RNF180: variants seen among roughly 807,000 people sequenced by gnomAD.
RNF180 encodes the protein ring finger protein 180, also known as E3 ubiquitin-protein ligase RNF180.
RNF180 carries 38 observed loss-of-function variants against 59.2 expected under a neutral mutation model. That is an observed-to-expected ratio of 0.64 (90% confidence interval 0.50 to 0.84). RNF180 has a LOEUF of 0.84. Among genes scored for constraint, RNF180 ranks in the 40% least tolerant of loss-of-function variants. RNF180 has a pLI of 0.00. For missense variants in RNF180, 705 were observed against 700.9 expected, an observed-to-expected ratio of 1.01 and a Z score of -0.07; for synonymous variants, 262 against 240.3, an observed-to-expected ratio of 1.09 and a Z score of -0.84.
At chr5:64,225,807 G>A (rs1395486257) in intron 5 of RNF180, among the ~76,000 whole-genome samples, 2 of 146,898 alleles carry the variant, frequency 1.4e-5, no homozygotes, top group Non-Finnish European at 3.0e-5. Flanking sequence ...GGGAGGTGAG[G>A]AGTGCCTCTG....
chr5:64,195,671 C>T (rs576822134), intron 1 of RNF180, among the ~76,000 whole-genome samples: 1 of 152,322 alleles, frequency 6.6e-6, no homozygotes, highest in South Asian at 2.1e-4. Context: ...AAGACCAAAA[C>T]ACTTCTAATA....
At chr5:64,170,619 A>C (rs1237319431) in intron 1 of RNF180, among the ~76,000 whole-genome samples, 1 of 152,218 alleles carries the variant, frequency 6.6e-6, no homozygotes, top group Non-Finnish European at 1.5e-5. Flanking sequence ...TAAGAATCTT[A>C]TTATGATGGA....
intron 7 of RNF180, among the ~76,000 whole-genome samples, chr5:64,366,870 T>C (rs1018259245): frequency 6.6e-6 from 1 of 151,486 alleles, no homozygotes; most frequent in Admixed American, 6.6e-5. Context: ...CATATCAAGA[T>C]ACAGGAAGCT....
rs371619649 is a variant in RNF180, at chr5:64,200,797, T to A, written c.1-11T>A. 2 of 1,608,932 alleles carry A rather than the reference T, an allele frequency of 1.2e-6. No homozygotes were observed. Among genetic ancestry groups the A allele is most frequent in the African/African-American group, 2.7e-5 (2 of 74,730 alleles). Reference sequence around the variant, plus strand: ...GTTTAACATTCTAAAAATGCACTAATGTTTCCGCAGATGAAAAGAAGCAAA... The same window carrying A: ...GTTTAACATTCTAAAAATGCACTAAAGTTTCCGCAGATGAAAAGAAGCAAA... On this transcript the variant is annotated splice_polypyrimidine_tract_variant and intron_variant, in intron 1 of 7. Coordinates refer to ENST00000389100, the MANE Select transcript of RNF180 (RefSeq NM_001113561.2).
At chr5:64,215,141 G>A (rs1345899966) in intron 4 of RNF180, among the ~76,000 whole-genome samples, 1 of 152,144 alleles carries the variant, frequency 6.6e-6, no homozygotes, top group Non-Finnish European at 1.5e-5. Context: ...AGAGTAGGAT[G>A]TGCGAAGGAA....
chr5:64,188,741 T>G (rs1750991753), intron 1 of RNF180, among the ~76,000 whole-genome samples: 1 of 152,196 alleles, frequency 6.6e-6, no homozygotes, highest in South Asian at 2.1e-4. Context: ...GACTTTATTC[T>G]ATGCAGGAAG....
intron 5 of RNF180, among the ~76,000 whole-genome samples, chr5:64,227,166 G>A (rs1343616541): frequency 1.3e-5 from 2 of 152,186 alleles, no homozygotes; most frequent in Non-Finnish European, 1.5e-5. Context: ...CGTCAGCATC[G>A]GGACTTGCAG....
chr5:64,341,098 T>C (rs150443051), intron 7 of RNF180, among the ~76,000 whole-genome samples: 16 of 152,324 alleles, frequency 1.1e-4, no homozygotes, highest in African/African-American at 3.8e-4. Context: ...TTAAAACACT[T>C]GCATTTATAA....
intron 1 of RNF180, among the ~76,000 whole-genome samples, chr5:64,171,419 G>A (rs1749928850): frequency 6.6e-6 from 1 of 152,118 alleles, no homozygotes; most frequent in South Asian, 2.1e-4. Context: ...GACATGGGAA[G>A]GCCTGAGCCC....
At chr5:64,180,831 C>G (rs960972793) in intron 1 of RNF180, among the ~76,000 whole-genome samples, 1 of 152,190 alleles carries the variant, frequency 6.6e-6, no homozygotes, top group Non-Finnish European at 1.5e-5. Context: ...GAATTTCTTT[C>G]ATTTCCTGTG....
chr5:64,294,113 G>T (rs1467324555), intron 5 of RNF180, among the ~76,000 whole-genome samples: 1 of 152,090 alleles, frequency 6.6e-6, no homozygotes, highest in Non-Finnish European at 1.5e-5. Context: ...CTACCGTTTT[G>T]GTTTAGGGGG....
At chr5:64,291,685 G>A (rs186362485) in intron 5 of RNF180, among the ~76,000 whole-genome samples, 101 of 151,780 alleles carry the variant, frequency 6.7e-4, no homozygotes, top group African/African-American at 2.2e-3. Context: ...CCTCGGCCTC[G>A]CAAAGTGCTA....
At chr5:64,185,727 G>A (rs1386267119) in intron 1 of RNF180, among the ~76,000 whole-genome samples, 2 of 152,184 alleles carry the variant, frequency 1.3e-5, no homozygotes, top group Non-Finnish European at 2.9e-5. Context: ...CTGTGGTATT[G>A]AGGGGGACTA....
intron 5 of RNF180, among the ~76,000 whole-genome samples, chr5:64,317,335 T>TA (rs1006077237): frequency 2.6e-5 from 4 of 152,210 alleles, no homozygotes; most frequent in East Asian, 1.9e-4. Context: ...GTATTATGTG[T>TA]AAAAAATGTA....
At chr5:64,200,526 T>C (rs1463454663) in intron 1 of RNF180, among the ~76,000 whole-genome samples, 1 of 152,198 alleles carries the variant, frequency 6.6e-6, no homozygotes, top group East Asian at 1.9e-4. Flanking sequence ...TTACCACTTT[T>C]AGTGAGAGAC....
rs1212086427 is a variant in RNF180, at chr5:64,330,329, TAAAAC to T, written c.1506_1510del (p.Gln503LeufsTer49). ...TTCTTTACTAAAGAATATTTGAAAATAAAACAAAGCTTTCAGAAATCCAACTCTGC... is the reference window on the plus strand; with the variant it reads ...TTCTTTACTAAAGAATATTTGAAAATAAAGCTTTCAGAAATCCAACTCTGC... On this transcript the variant is annotated frameshift_variant, in exon 7 of 8. Transcript: ENST00000389100. LOFTEE classifies it high-confidence loss of function. 5.2e-6 allele frequency: 8 copies of T among 1,535,682 alleles called. No homozygotes were observed. The highest frequency in any genetic ancestry group is 2.5e-5 in the East Asian group (1 of 40,770).
chr5:64,232,137 T>C (rs1742137046), intron 5 of RNF180, among the ~76,000 whole-genome samples: 1 of 152,178 alleles, frequency 6.6e-6, no homozygotes, highest in African/African-American at 2.4e-5. Flanking sequence ...GCTTCACCTT[T>C]ATAAGGGTCG....
At chr5:64,305,707 TGTA>T (rs1743409373) in intron 5 of RNF180, among the ~76,000 whole-genome samples, 1 of 151,610 alleles carries the variant, frequency 6.6e-6, no homozygotes, top group Non-Finnish European at 1.5e-5. Context: ...TACATGTTAA[TGTA>T]GTAACATTCT....
chr5:64,354,050 T>C (rs1745922359), intron 7 of RNF180, among the ~76,000 whole-genome samples: 1 of 151,326 alleles, frequency 6.6e-6, no homozygotes, highest in Non-Finnish European at 1.5e-5. Context: ...TCAACATAAT[T>C]TTATACTTTG....
Sources: allele counts gnomAD v4.1 joint callset (sites outside exome capture counted in the v4.1 genomes callset), GRCh38; gene constraint gnomAD v4.1.1; transcripts MANE v1.5; gene names NCBI Gene and HGNC (gene_info 2026-07-23, HGNC 2026-07-21).